WNK2: variants seen among roughly 807,000 people sequenced by gnomAD.
WNK2 encodes the protein WNK lysine deficient protein kinase 2, also known as serine/threonine-protein kinase WNK2.
Under a neutral mutation model 192.1 loss-of-function variants are expected in WNK2, and 67 were observed. The ratio of observed to expected loss-of-function variants is 0.35; its 90% confidence interval spans 0.29 to 0.43. WNK2 has a LOEUF of 0.43. Ranked by LOEUF, WNK2 falls within the 20% of genes least tolerant of loss-of-function variation. The pLI is 1.00. For synonymous variants in WNK2, 1,439 were observed against 1,393.9 expected, an observed-to-expected ratio of 1.03 and a Z score of -0.72; for missense variants, 2,698 against 3,089.7, an observed-to-expected ratio of 0.87 and a Z score of 3.01.
At chr9:93,271,436 A>G (rs1845988564) in intron 19 of WNK2, among the ~76,000 whole-genome samples, 1 of 152,364 alleles carries the variant, frequency 6.6e-6, no homozygotes, top group East Asian at 1.9e-4. Context: ...TGACAAGACG[A>G]TGTAGATTTT....
At position 93,185,471 on chromosome 9, in the gene WNK2, A is replaced by G; in HGVS notation, c.542A>G (p.Asp181Gly). ...DEPEEEEDDE[D>G]DLKAVATSLD... ...CCCGAAGAGGAGGAGGACGACGAGG[A>G]CGACCTCAAGGCCGTGGCCACCTCT... Residue 181 changes from aspartate (D) to glycine (G), a missense_variant, in exon 2 of 30, where the codon GAC (aspartate) becomes GGC (glycine). By Grantham distance (94) the Asp-to-Gly change is moderately conservative. Coordinates refer to ENST00000427277, the MANE Select transcript of WNK2 (RefSeq NM_006648.4). 2 of 1,612,670 alleles carry G rather than the reference A, an allele frequency of 1.2e-6. No individual in the cohort carries two copies. The highest frequency in any genetic ancestry group is 2.2e-5 in the South Asian group (2 of 91,058).
At chr9:93,287,343 G>A (rs1278874350) in intron 19 of WNK2, among the ~76,000 whole-genome samples, 1 of 152,138 alleles carries the variant, frequency 6.6e-6, no homozygotes, top group African/African-American at 2.4e-5. Flanking sequence ...GCGTGTGCCT[G>A]GCAGGACACG....
chr9:93,317,307 G>A (rs1854871139), intron 28 of WNK2: 1 of 605,362 alleles, frequency 1.7e-6, no homozygotes, highest in Non-Finnish European at 2.9e-6. Context: ...GAGGCTATCA[G>A]GCTGCAGCTT....
In WNK2 at chr9:93,259,728, C is replaced by T; in HGVS notation, c.3066+114C>T. On this transcript the variant is annotated intron_variant, in intron 12 of 29. Transcript: ENST00000427277. This position sits in a 1 kb window ranked among gnomAD's most constrained non-coding sequence, Gnocchi z 4.8. The stretch of plus-strand genomic sequence containing the variant: ...GAGGCAGCCCTGCCTGGGGTCGCCC[C>T]TCTCAGGAAGAGATGTGTGTGAGGC... The T allele has an allele frequency of 9.6e-7, 1 of 1,045,038 alleles. No homozygotes were observed. The highest frequency in any genetic ancestry group is 1.6e-5 in the African/African-American group (1 of 62,358). 64.7% of individuals were successfully genotyped at this position (1,045,038 alleles called of 1,614,324 possible). A position where few individuals can be genotyped will look rare whatever the true frequency, so the allele number is the denominator to read the frequency against.
Position 93,247,699 on chromosome 9 carries a change from C to A in WNK2, c.1699C>A (p.Pro567Thr). The A allele has an allele frequency of 6.4e-7, 1 of 1,564,840 alleles. No homozygotes were observed. The highest frequency in any genetic ancestry group is 8.7e-7 in the Non-Finnish European group (1 of 1,155,076). Residue 567 changes from proline to threonine, a missense_variant, in exon 8 of 30, where the codon CCG becomes ACG. Physicochemically the swap from Pro to Thr is conservative, Grantham distance 38. Coordinates refer to ENST00000427277, the MANE Select transcript of WNK2 (RefSeq NM_006648.4). This position sits in a 1 kb window ranked among gnomAD's most constrained non-coding sequence, Gnocchi z 5.2. Reference sequence around the variant, plus strand: ...GGGCAGCCCGGACAAGGCCAGGGGTCCGCCGGTGCCCCTGCAGGTCCAGGT... The same window carrying A: ...GGGCAGCCCGGACAAGGCCAGGGGTACGCCGGTGCCCCTGCAGGTCCAGGT... ...DVGSPDKARG[P>T]PVPLQVQVTY... is the part of the protein sequence containing the mutation.
Position 93,184,300 on chromosome 9 carries a change from T to G in WNK2, c.-88T>G, listed in dbSNP as rs1333753641. 6.6e-6 allele frequency among the ~76,000 whole-genome samples: 1 copy of G among 150,530 alleles called. No homozygotes were observed. Among genetic ancestry groups the G allele is most frequent in the Non-Finnish European group, 1.5e-5 (1 of 67,538 alleles). ...CCCCAGCGCGGACCTCGCCCGGAACTCGGACCCCGTCCTCGAAGCGTGATC... is the reference window on the plus strand; with the variant it reads ...CCCCAGCGCGGACCTCGCCCGGAACGCGGACCCCGTCCTCGAAGCGTGATC... On this transcript the variant is annotated 5_prime_UTR_variant, in exon 1 of 30. Transcript: ENST00000427277.
In WNK2 at chr9:93,257,154, A is replaced by G; in HGVS notation, c.2382+15A>G. The G allele has an allele frequency of 4.4e-6, 7 of 1,599,294 alleles. No homozygotes were observed. Among genetic ancestry groups the G allele is most frequent in the Non-Finnish European group, 5.9e-6 (7 of 1,176,820 alleles). ...TCCCTCCGCAGGTAATTCTAGGTTG[A>G]TGGCTGCCGTCAGTGGTGGCGCACG... On this transcript the variant is annotated intron_variant, in intron 11 of 29. Transcript: ENST00000427277. This position sits in a 1 kb window ranked among gnomAD's most constrained non-coding sequence, Gnocchi z 4.7.
At chr9:93,256,624 T>C in intron 10 of WNK2, 170 bp downstream of exon 10, 1 of 779,028 alleles carries the variant, frequency 1.3e-6, no homozygotes, top group Non-Finnish European at 2.0e-6. Context: ...CGTATGTGCA[T>C]GTGTTTGTGT....
intron 2 of WNK2, among the ~76,000 whole-genome samples, chr9:93,223,667 C>T (rs1837325381): frequency 6.6e-6 from 1 of 152,190 alleles, no homozygotes; most frequent in Non-Finnish European, 1.5e-5. Flanking sequence ...CAGACCCAGA[C>T]CCTCTCTCCA....
chr9:93,191,181 C>A lies in WNK2; in HGVS notation c.681+5571C>A, dbSNP rs1478476698. 4.6e-5 allele frequency among the ~76,000 whole-genome samples: 7 copies of A among 152,000 alleles called. No homozygotes were observed. In the East Asian group the frequency reaches 1.4e-3, roughly 29 times the overall value. ...TCTCGTGGGCCCTGAGAGTTGCATC[C>A]CCCCACCCTGTCCTGTCATTTCCGG... On this transcript the variant is annotated intron_variant, in intron 2 of 29. Transcript: ENST00000427277.
intron 2 of WNK2, among the ~76,000 whole-genome samples, chr9:93,227,622 A>C (rs1838036882): frequency 6.6e-6 from 1 of 152,160 alleles, no homozygotes; most frequent in Non-Finnish European, 1.5e-5. Flanking sequence ...TTTGTCAGAT[A>C]TATGTATTAA....
At chr9:93,226,811 T>C (rs899239816) in intron 2 of WNK2, among the ~76,000 whole-genome samples, 2 of 152,218 alleles carry the variant, frequency 1.3e-5, no homozygotes, top group Non-Finnish European at 2.9e-5. Context: ...CATGCTCCTT[T>C]TTGCTGCTGA....
intron 15 of WNK2, 61 bp from the exon 16 acceptor site, chr9:93,263,856 G>A: frequency 1.4e-6 from 2 of 1,398,956 alleles, no homozygotes; most frequent in African/African-American, 1.5e-5. Context: ...GGGGTGTGTG[G>A]GGGTGTGGCG....
chr9:93,201,447 G>A lies in WNK2; in HGVS notation c.681+15837G>A, dbSNP rs567832076. Among the ~76,000 whole-genome samples the A allele has an allele frequency of 4.6e-5, 7 of 152,376 alleles. No homozygotes were observed. In the South Asian group the frequency reaches 1.2e-3, roughly 27 times the overall value. Reference sequence around the variant, plus strand: ...CTCTTGGCAGCCCGGGAGGTGGAACGTGGAGAACACATGCCTGGCCATGAG... The same window carrying A: ...CTCTTGGCAGCCCGGGAGGTGGAACATGGAGAACACATGCCTGGCCATGAG... On this transcript the variant is annotated intron_variant, in intron 2 of 29. Transcript: ENST00000427277.
Position 93,294,035 on chromosome 9 carries a change from G to A in WNK2, c.5708+862G>A, listed in dbSNP as rs551281207. ...GCAAATATTTATTCTGTCCTGCTGC[G>A]GCTGGGGGGTTACTGGGATGTCCTT... is the stretch of plus-strand genomic sequence containing the variant. On this transcript the variant is annotated intron_variant, in intron 23 of 29. Coordinates refer to ENST00000427277, the MANE Select transcript of WNK2 (RefSeq NM_006648.4). Among the ~76,000 whole-genome samples, 8 of 152,094 alleles carry A rather than the reference G, an allele frequency of 5.3e-5. No homozygotes were observed. In the South Asian group the frequency reaches 1.5e-3, roughly 28 times the overall value.
chr9:93,266,533 C>T lies in WNK2; in HGVS notation c.3697-1213C>T, dbSNP rs572703007. Among the ~76,000 whole-genome samples the T allele has an allele frequency of 4.6e-4, 70 of 152,310 alleles. No homozygotes were observed. The South Asian group carries it at 0.014, about 31-fold the overall frequency. On this transcript the variant is annotated intron_variant, in intron 16 of 29. Coordinates refer to ENST00000427277, the MANE Select transcript of WNK2 (RefSeq NM_006648.4). ...TAGTGAAAATTTCACAAAATTGGAA[C>T]GTTGCTTAAATTCTCGTATGTGGCA...
chr9:93,298,946 G>A (rs1418585522), intron 24 of WNK2, 124 bp from the exon 25 acceptor site: 2 of 991,314 alleles, frequency 2.0e-6, no homozygotes, highest in Non-Finnish European at 2.9e-6. Context: ...TGTGCCTGTG[G>A]TCTGCAGGAG....
At chr9:93,195,339 A>G (rs143074555) in intron 2 of WNK2, among the ~76,000 whole-genome samples, 169 of 152,304 alleles carry the variant, frequency 1.1e-3, no homozygotes, top group African/African-American at 3.3e-3. Flanking sequence ...CAATTTTCCC[A>G]TAAATCTAGA....
chr9:93,204,174 C>T (rs116725868), intron 2 of WNK2, among the ~76,000 whole-genome samples: 4,093 of 152,144 alleles, frequency 0.027, 165 homozygotes, highest in African/African-American at 0.089. Flanking sequence ...CCACTGAAGG[C>T]TCCTGGGGGA....
Sources: gnomAD v4.1 joint callset for allele counts (sites outside exome capture counted in the v4.1 genomes callset) on GRCh38, gnomAD v4.1.1 for gene constraint, Gnocchi (gnomAD v3.1) non-coding constraint, MANE v1.5 for transcripts, NCBI Gene and HGNC (gene_info 2026-07-23, HGNC 2026-07-21) for gene names.